Variants in KCNMA1 observed in about 807,000 individuals in gnomAD.
KCNMA1 encodes the protein potassium calcium-activated channel subfamily M alpha 1, also known as Calcium-activated potassium channel subunit alpha-1.
A neutral mutation model predicts 140.0 loss-of-function variants in KCNMA1; 29 were observed. The ratio of observed to expected loss-of-function variants is 0.21; its 90% CI spans 0.15 to 0.28. The LOEUF is 0.28. KCNMA1 is among the 10% of genes least tolerant of loss of function. The pLI is 1.00. For synonymous variants in KCNMA1, 612 were observed against 611.9 expected (o/e 1.00, Z 0.00); for missense variants, 880 against 1,602.2 (o/e 0.55, Z 7.70).
At chr10:77,426,104 T>G (rs1019258076) in intron 1 of KCNMA1, among the ~76,000 whole-genome samples, 16 of 152,180 alleles carry the variant, frequency 1.1e-4, no homozygotes, top group Non-Finnish European at 1.9e-4. Context: ...AATGAGCATA[T>G]GAGTCCCACT....
chr10:77,387,612 T>C (rs866080926), intron 2 of KCNMA1, among the ~76,000 whole-genome samples: 34 of 145,710 alleles, frequency 2.3e-4, no homozygotes, highest in African/African-American at 8.4e-4. Flanking sequence ...CTTTTCTTTC[T>C]TTTCTTTTCT....
intron 14 of KCNMA1, among the ~76,000 whole-genome samples, chr10:77,058,020 A>G (rs1007067324): frequency 2.0e-5 from 3 of 151,930 alleles, no homozygotes; most frequent in African/African-American, 7.2e-5. Flanking sequence ...CTATAAGAAG[A>G]TCACTTAAGT....
intron 5 of KCNMA1, among the ~76,000 whole-genome samples, chr10:77,176,961 G>A (rs1418182141): frequency 6.6e-6 from 1 of 152,174 alleles, no homozygotes; most frequent in Middle Eastern, 3.2e-3. Flanking sequence ...AGTAGAAGAA[G>A]GAGGCAAAGA....
chr10:77,138,312 T>C (rs890464601), intron 5 of KCNMA1, among the ~76,000 whole-genome samples: 3 of 152,224 alleles, frequency 2.0e-5, no homozygotes, highest in Non-Finnish European at 4.4e-5. Context: ...TCACCCATCC[T>C]GGGGTGCATG....
intron 5 of KCNMA1, among the ~76,000 whole-genome samples, chr10:77,151,161 T>G (rs546892249): frequency 1.4e-5 from 2 of 144,606 alleles, no homozygotes; most frequent in African/African-American, 5.7e-5. Context: ...CTTTCTTTTC[T>G]TTTCTTTCTT....
chr10:77,503,109 C>G (rs1347252691), intron 1 of KCNMA1, among the ~76,000 whole-genome samples: 2 of 152,112 alleles, frequency 1.3e-5, no homozygotes, highest in Non-Finnish European at 2.9e-5. Flanking sequence ...AAAACAAAAC[C>G]AAGACCACTT....
At position 76,953,709 on chromosome 10, in the gene KCNMA1, T is replaced by G; in HGVS notation, c.2484+92A>C. 2.1e-6 allele frequency: 3 copies of G among 1,437,484 alleles called. No homozygotes were observed. In the East Asian group the frequency reaches 6.8e-5, roughly 33 times the overall value. 89.0% of individuals were successfully genotyped at this position (1,437,484 alleles called of 1,614,324 possible). ...AAAATAATTAGGACCAGGGACAGTA[T>G]TATCCCACTGTCCAACTAGGGAAAC... On this transcript the variant is annotated intron_variant, in intron 21 of 27. Coordinates refer to ENST00000286628, the MANE Select transcript of KCNMA1 (RefSeq NM_001161352.2).
intron 2 of KCNMA1, among the ~76,000 whole-genome samples, chr10:77,256,716 A>G (rs896400829): frequency 3.4e-4 from 52 of 152,280 alleles, no homozygotes; most frequent in African/African-American, 1.2e-3. Context: ...TGCATGTTTG[A>G]TCAGGGTTTA....
chr10:77,529,687 A>G (rs1371586502), intron 1 of KCNMA1, among the ~76,000 whole-genome samples: 1 of 152,142 alleles, frequency 6.6e-6, no homozygotes, highest in African/African-American at 2.4e-5. Context: ...CAATTCCTAG[A>G]TAACTTAACC....
chr10:77,323,342 T>A (rs1188693385), intron 2 of KCNMA1, among the ~76,000 whole-genome samples: 1 of 152,334 alleles, frequency 6.6e-6, no homozygotes, highest in South Asian at 2.1e-4. Flanking sequence ...TTTCCTTTAG[T>A]GACAAGTGGA....
intron 6 of KCNMA1, among the ~76,000 whole-genome samples, chr10:77,113,212 A>G (rs2097368143): frequency 6.6e-6 from 1 of 150,902 alleles, no homozygotes; most frequent in Admixed American, 6.6e-5. Context: ...CAAATACTCA[A>G]CTCTGTCACT....
intron 27 of KCNMA1, 114 bp from the exon 28 acceptor site, chr10:76,887,629 GATGCAC>G: frequency 8.3e-7 from 1 of 1,203,528 alleles, no homozygotes; most frequent in Non-Finnish European, 1.2e-6. Flanking sequence ...GGATCTGGAA[GATGCAC>G]TCCTAGCTGG....
chr10:77,337,916 A>G lies in KCNMA1; in HGVS notation c.540+65946T>C, dbSNP rs552716020. Among the ~76,000 whole-genome samples, 6 of 152,342 alleles carry G rather than the reference A, an allele frequency of 3.9e-5. No individual in the cohort carries two copies. The South Asian group carries it at 1.2e-3, about 32-fold the overall frequency. On this transcript the variant is annotated intron_variant, in intron 2 of 27. Transcript: ENST00000286628. ...ATGGCAAATGGAAGGACATGTTAAA[A>G]TGAAGAATCTTGGGGGAAAATGGCT...
intron 1 of KCNMA1, among the ~76,000 whole-genome samples, chr10:77,622,067 C>T (rs2091541638): frequency 6.6e-6 from 1 of 152,102 alleles, no homozygotes; most frequent in Admixed American, 6.6e-5. Flanking sequence ...TGGAGTTGTA[C>T]ATTGAGTAAC....
chr10:77,382,587 G>A (rs1312993638), intron 2 of KCNMA1, among the ~76,000 whole-genome samples: 3 of 151,984 alleles, frequency 2.0e-5, no homozygotes, highest in Admixed American at 6.6e-5. Flanking sequence ...AAGTGGGGCC[G>A]GGCATGGTGG....
At position 77,561,433 on chromosome 10, in the gene KCNMA1, G is replaced by T. The variant is rs1209427559; in HGVS notation, c.378+75832C>A. Among the ~76,000 whole-genome samples, 3 of 152,146 alleles carry T rather than the reference G, an allele frequency of 2.0e-5. 1 individual carries two copies. In the East Asian group the frequency reaches 5.8e-4, roughly 29 times the overall value. On this transcript the variant is annotated intron_variant, in intron 1 of 27. Transcript: ENST00000286628. Reference sequence around the variant, plus strand: ...CGGATTATGAATTGAGGTAAGAAAGGCTACCTGACATGCCCACACTCACAT... The same window carrying T: ...CGGATTATGAATTGAGGTAAGAAAGTCTACCTGACATGCCCACACTCACAT...
intron 1 of KCNMA1, among the ~76,000 whole-genome samples, chr10:77,626,715 C>T (rs2154570488): frequency 6.6e-6 from 1 of 152,334 alleles, no homozygotes; most frequent in Non-Finnish European, 1.5e-5. Flanking sequence ...CCTTCCAACG[C>T]TTCACCTCTG....
chr10:77,528,549 C>A (rs2056600075), intron 1 of KCNMA1, among the ~76,000 whole-genome samples: 1 of 149,542 alleles, frequency 6.7e-6, no homozygotes, highest in African/African-American at 2.5e-5. Flanking sequence ...GCAGAGGTTG[C>A]AGTGAGCTGA....
At chr10:76,879,358 G>A (rs1486482266) in intron 29 of KCNMA1, among the ~76,000 whole-genome samples, 1 of 151,946 alleles carries the variant, frequency 6.6e-6, no homozygotes, top group African/African-American at 2.4e-5. Context: ...CTCCTGCTCT[G>A]GCTCACTCAC....
Sources: gnomAD v4.1 joint callset for allele counts (sites outside exome capture counted in the v4.1 genomes callset) on GRCh38, gnomAD v4.1.1 for gene constraint, MANE v1.5 for transcripts, NCBI Gene and HGNC (gene_info 2026-07-23, HGNC 2026-07-21) for gene names.